DNAJC1: variants seen among roughly 807,000 people sequenced by gnomAD.
The protein encoded by DNAJC1 is dnaJ homolog subfamily C member 1.
Under a neutral mutation model 76.6 loss-of-function variants are expected in DNAJC1, and 58 were observed. The observed-to-expected ratio is 0.76, with a 90% confidence interval of 0.61 to 0.94. The LOEUF (loss-of-function observed/expected upper bound fraction) is 0.94. Among genes scored for constraint, DNAJC1 ranks in the 40% least tolerant of loss-of-function variants. DNAJC1 has a pLI of 0.00. For synonymous variants in DNAJC1, 258 were observed against 267.9 expected (o/e 0.96, Z 0.36); for missense variants, 689 against 677.3 (o/e 1.02, Z -0.19).
chr10:21,838,000 G>C (rs1835498343), intron 8 of DNAJC1, among the ~76,000 whole-genome samples: 1 of 150,558 alleles, frequency 6.6e-6, no homozygotes, highest in Admixed American at 6.6e-5. Context: ...GCCCCGGCTG[G>C]GAGGTGGGGG....
At chr10:21,982,040 C>G (rs1329759953) in intron 1 of DNAJC1, among the ~76,000 whole-genome samples, 15 of 152,212 alleles carry the variant, frequency 9.9e-5, no homozygotes, top group Admixed American at 9.8e-4. Flanking sequence ...ACCCCCTTAA[C>G]TCTGATGTTT....
intron 8 of DNAJC1, among the ~76,000 whole-genome samples, chr10:21,869,658 C>T (rs1231688342): frequency 6.6e-6 from 1 of 152,008 alleles, no homozygotes; most frequent in African/African-American, 2.4e-5. Context: ...CTTTTTTCAT[C>T]AACAGGTGTG....
chr10:21,859,124 T>C (rs968551869), intron 8 of DNAJC1, among the ~76,000 whole-genome samples: 6 of 152,200 alleles, frequency 3.9e-5, no homozygotes, highest in African/African-American at 1.4e-4. Flanking sequence ...GTAGGCACTG[T>C]CACTGATGAA....
rs200922101 is a variant in DNAJC1 at position 21,766,326 on chromosome 10, A to G, written c.1099-17T>C. On this transcript the variant is annotated splice_polypyrimidine_tract_variant and intron_variant, in intron 9 of 11. Coordinates refer to ENST00000376980, the MANE Select transcript of DNAJC1 (RefSeq NM_022365.4). ...GGTTGTCACCTGTTTCAAAACATAA[A>G]AGCAAAAATCTTACTTTCCATGTAC... 8.7e-5 allele frequency: 140 copies of G among 1,611,008 alleles called. No individual in the cohort carries two copies. In the African/African-American group the frequency reaches 1.3e-3, roughly 15 times the overall value.
chr10:21,811,855 C>T (rs750744034), intron 8 of DNAJC1, among the ~76,000 whole-genome samples: 3 of 152,064 alleles, frequency 2.0e-5, no homozygotes, highest in Admixed American at 6.6e-5. Context: ...ATTGGGAAAA[C>T]GTACGTCTAA....
chr10:21,781,803 G>C (rs1421918053), intron 9 of DNAJC1, among the ~76,000 whole-genome samples: 1 of 151,802 alleles, frequency 6.6e-6, no homozygotes, highest in African/African-American at 2.4e-5. Context: ...TGACTACTGG[G>C]TACATAACGA....
At chr10:21,825,019 C>T (rs1412605928) in intron 8 of DNAJC1, among the ~76,000 whole-genome samples, 1 of 152,100 alleles carries the variant, frequency 6.6e-6, no homozygotes, top group East Asian at 1.9e-4. Context: ...CAGGTGGATC[C>T]ACCTGCCTTG....
intron 8 of DNAJC1, among the ~76,000 whole-genome samples, chr10:21,831,938 G>A (rs554905802): frequency 6.6e-6 from 1 of 151,990 alleles, no homozygotes; most frequent in Admixed American, 6.6e-5. Flanking sequence ...TCCGCTTTAG[G>A]TAGATATATA....
chr10:21,924,345 C>T (rs374450187), intron 3 of DNAJC1, among the ~76,000 whole-genome samples: 6 of 151,860 alleles, frequency 4.0e-5, no homozygotes, highest in Admixed American at 2.6e-4. Flanking sequence ...GTAAATGAAA[C>T]GTTATTTAGT....
chr10:21,801,207 A>G (rs1425794266), intron 9 of DNAJC1, among the ~76,000 whole-genome samples: 2 of 152,238 alleles, frequency 1.3e-5, no homozygotes, highest in Non-Finnish European at 2.9e-5. Flanking sequence ...TCACCAAAGC[A>G]ATTGAAAATA....
At chr10:21,946,049 C>CTTTTTTTTT (rs71510915) in intron 1 of DNAJC1, among the ~76,000 whole-genome samples, 323 of 93,254 alleles carry the variant, frequency 3.5e-3, no homozygotes, top group East Asian at 3.9e-3. Context: ...TTCTTTTCCT[C>CTTTTTTTTT]TTTTTTTTTT....
intron 8 of DNAJC1, among the ~76,000 whole-genome samples, chr10:21,848,508 AT>A (rs1438901967): frequency 1.3e-5 from 2 of 152,182 alleles, no homozygotes; most frequent in East Asian, 1.9e-4. Context: ...CCCTAAAAAA[AT>A]CTTTGCCCAG....
chr10:21,947,711 T>C (rs1837529491), intron 1 of DNAJC1, among the ~76,000 whole-genome samples: 1 of 152,190 alleles, frequency 6.6e-6, no homozygotes, highest in African/African-American at 2.4e-5. Context: ...TATAATTTGA[T>C]ACTGCATATC....
At chr10:21,949,235 T>C (rs942288020) in intron 1 of DNAJC1, among the ~76,000 whole-genome samples, 1 of 152,030 alleles carries the variant, frequency 6.6e-6, no homozygotes, top group Non-Finnish European at 1.5e-5. Context: ...CAGAAATAAA[T>C]TGTTGAAATA....
chr10:21,858,443 C>A (rs1379938992), intron 8 of DNAJC1, among the ~76,000 whole-genome samples: 2 of 152,098 alleles, frequency 1.3e-5, no homozygotes, highest in Non-Finnish European at 2.9e-5. Context: ...TTTCTTTTTA[C>A]CTGGAGCAAG....
intron 11 of DNAJC1, among the ~76,000 whole-genome samples, chr10:21,757,394 A>G (rs572325070): frequency 6.6e-6 from 1 of 152,284 alleles, no homozygotes; most frequent in African/African-American, 2.4e-5. Flanking sequence ...TCTCACATTG[A>G]TCACAGGAAC....
At chr10:21,783,445 A>G (rs1671521282) in intron 9 of DNAJC1, among the ~76,000 whole-genome samples, 1 of 152,254 alleles carries the variant, frequency 6.6e-6, no homozygotes, top group Non-Finnish European at 1.5e-5. Context: ...ATGGATAGGA[A>G]GAATCAATAT....
chr10:21,947,496 AG>A (rs1837523640), intron 1 of DNAJC1, among the ~76,000 whole-genome samples: 3 of 152,328 alleles, frequency 2.0e-5, no homozygotes, highest in Middle Eastern at 3.4e-3. Flanking sequence ...CTTAATGAAT[AG>A]TAAGTATATT....
chr10:21,883,895 C>T (rs1836324701), intron 7 of DNAJC1, among the ~76,000 whole-genome samples: 1 of 152,092 alleles, frequency 6.6e-6, no homozygotes, highest in Non-Finnish European at 1.5e-5. Flanking sequence ...GTCTATATTT[C>T]AATTTAGTGG....
Sources: gnomAD v4.1 joint callset for allele counts (sites outside exome capture counted in the v4.1 genomes callset) on GRCh38, gnomAD v4.1.1 for gene constraint, MANE v1.5 for transcripts, NCBI Gene and HGNC (gene_info 2026-07-23, HGNC 2026-07-21) for gene names.